Variants in PDE1A observed in about 807,000 individuals in gnomAD.
PDE1A encodes phosphodiesterase 1A.
PDE1A carries 35 observed loss-of-function variants against 61.7 expected under a neutral mutation model. That is an observed-to-expected ratio of 0.57 (90% confidence interval 0.43 to 0.75). PDE1A has a LOEUF of 0.75. Ranked by LOEUF, PDE1A falls within the 30% of genes least tolerant of loss-of-function variation. The pLI is 0.00. For synonymous variants in PDE1A, 232 were observed against 213.2 expected (o/e 1.09, Z -0.77); for missense variants, 597 against 630.6 (o/e 0.95, Z 0.57).
At chr2:182,250,158 C>A (rs1029691110) in intron 2 of PDE1A, among the ~76,000 whole-genome samples, 1 of 152,154 alleles carries the variant, frequency 6.6e-6, no homozygotes, top group Non-Finnish European at 1.5e-5. Context: ...TGCCAGTAAT[C>A]ATTTTCTCTA....
chr2:182,596,474 A>C, the PDE1A span, among the ~76,000 whole-genome samples: 1 of 152,228 alleles, frequency 6.6e-6, no homozygotes, highest in Admixed American at 6.5e-5. Context: ...AAGGAAAGCC[A>C]GTGAAATTTG....
the PDE1A span, among the ~76,000 whole-genome samples, chr2:182,665,483 C>T: frequency 2.0e-5 from 3 of 152,264 alleles, no homozygotes; most frequent in South Asian, 6.2e-4. Flanking sequence ...CATCACTGAT[C>T]ATTAGAGAAA....
At position 182,380,106 on chromosome 2, in the gene PDE1A, C is replaced by CTTT. The variant is rs1226939777; in HGVS notation, c.53+46469_53+46471dup. On this transcript the variant is annotated intron_variant, in intron 1 of 13. Transcript: ENST00000351439. ...AGTCATCTTAGAAGACCCAGCTCCT[C>CTTT]TTTTTTTTTTTTTTTTTTTTTTGAG... 4.8e-3 allele frequency among the ~76,000 whole-genome samples: 499 copies of CTTT among 103,818 alleles called. 1 individual carries two copies. Among genetic ancestry groups the CTTT allele is most frequent in the East Asian group, 8.2e-3 (26 of 3,188 alleles). 68.1% of individuals were successfully genotyped at this position (103,818 alleles called of 152,430 possible). A position where few individuals can be genotyped will look rare whatever the true frequency, so the allele number is the denominator to read the frequency against.
At chr2:182,597,623 C>T in the PDE1A span, among the ~76,000 whole-genome samples, 4 of 152,122 alleles carry the variant, frequency 2.6e-5, no homozygotes, top group African/African-American at 9.7e-5. Flanking sequence ...TTGCCCAAAG[C>T]CCACTTCTAA....
At chr2:182,209,532 T>C (rs1306271450) in intron 7 of PDE1A, among the ~76,000 whole-genome samples, 1 of 151,288 alleles carries the variant, frequency 6.6e-6, no homozygotes, top group Non-Finnish European at 1.5e-5. Context: ...TTGATATGGT[T>C]TGGATCTGTG....
intron 2 of PDE1A, among the ~76,000 whole-genome samples, chr2:182,520,153 G>T (rs1208001632): frequency 1.3e-5 from 2 of 151,746 alleles, no homozygotes; most frequent in Non-Finnish European, 3.0e-5. Context: ...AATGGAATAG[G>T]GAGTCCCTCA....
chr2:182,158,264 T>C (rs1691202092), intron 13 of PDE1A, among the ~76,000 whole-genome samples: 1 of 152,222 alleles, frequency 6.6e-6, no homozygotes, highest in African/African-American at 2.4e-5. Context: ...TCTACAACTT[T>C]CAGTCAGGAT....
At chr2:182,295,791 C>T (rs954371357) in intron 1 of PDE1A, among the ~76,000 whole-genome samples, 4 of 152,028 alleles carry the variant, frequency 2.6e-5, no homozygotes, top group African/African-American at 9.7e-5. Flanking sequence ...TTTGATTTAA[C>T]ATTATTGAAC....
intron 2 of PDE1A, among the ~76,000 whole-genome samples, chr2:182,244,720 T>G (rs2125706360): frequency 6.6e-6 from 1 of 152,356 alleles, no homozygotes; most frequent in African/African-American, 2.4e-5. Flanking sequence ...GTGGTATTTT[T>G]TTATATGGAT....
chr2:182,466,240 G>C (rs1301387788), intron 2 of PDE1A, among the ~76,000 whole-genome samples: 2 of 151,818 alleles, frequency 1.3e-5, no homozygotes, highest in Non-Finnish European at 2.9e-5. Flanking sequence ...TAAAGATATT[G>C]AGTTTATCTT....
the PDE1A span, among the ~76,000 whole-genome samples, chr2:182,612,690 G>T: frequency 6.6e-6 from 1 of 152,080 alleles, no homozygotes; most frequent in Non-Finnish European, 1.5e-5. Context: ...TATAAAGATG[G>T]GGAAAAGCAA....
intron 10 of PDE1A, among the ~76,000 whole-genome samples, chr2:182,192,000 C>T (rs546892575): frequency 6.6e-5 from 10 of 151,888 alleles, no homozygotes; most frequent in East Asian, 1.9e-4. Context: ...GGATTTCAGG[C>T]GCCTGCCACC....
At chr2:182,648,530 A>ATT in the PDE1A span, among the ~76,000 whole-genome samples, 1 of 149,232 alleles carries the variant, frequency 6.7e-6, no homozygotes, top group Non-Finnish European at 1.5e-5. Context: ...AAAAAAAAAA[A>ATT]AAAATTAAAA....
chr2:182,354,259 C>T (rs1275671479), intron 1 of PDE1A, among the ~76,000 whole-genome samples: 2 of 152,110 alleles, frequency 1.3e-5, no homozygotes, highest in Admixed American at 6.6e-5. Context: ...AAATGCCCAG[C>T]TATTTTGTAC....
the PDE1A span, among the ~76,000 whole-genome samples, chr2:182,580,676 T>TAG: frequency 1.1e-4 from 16 of 152,156 alleles, no homozygotes; most frequent in Non-Finnish European, 2.4e-4. Flanking sequence ...TCAATGTACT[T>TAG]AGTGCCACTG....
chr2:182,357,471 T>C (rs545081904), intron 1 of PDE1A, among the ~76,000 whole-genome samples: 5 of 152,186 alleles, frequency 3.3e-5, no homozygotes, highest in Non-Finnish European at 7.3e-5. Context: ...TAATCACAAA[T>C]TCATTGACCT....
intron 1 of PDE1A, among the ~76,000 whole-genome samples, chr2:182,411,748 C>T (rs145822384): frequency 6.2e-4 from 95 of 152,114 alleles, no homozygotes; most frequent in Middle Eastern, 3.4e-3. Context: ...TGGGTAGAGA[C>T]CAGTGATGTT....
At chr2:182,186,743 C>T (rs1325905351) in intron 11 of PDE1A, among the ~76,000 whole-genome samples, 155 bp from the exon 12 acceptor site, 1 of 152,138 alleles carries the variant, frequency 6.6e-6, no homozygotes, top group Non-Finnish European at 1.5e-5. Flanking sequence ...TTGTTTTAAT[C>T]TAATAACAGT....
intron 3 of PDE1A, among the ~76,000 whole-genome samples, chr2:182,238,672 A>C (rs1187248203): frequency 6.6e-6 from 1 of 152,220 alleles, no homozygotes; most frequent in Non-Finnish European, 1.5e-5. Context: ...GTGATTTAAA[A>C]AAGACTTTAT....
Sources: allele counts gnomAD v4.1 joint callset (sites outside exome capture counted in the v4.1 genomes callset), GRCh38; gene constraint gnomAD v4.1.1; transcripts MANE v1.5; gene names NCBI Gene and HGNC (gene_info 2026-07-23, HGNC 2026-07-21).